Variants in PRKCQ observed in about 807,000 individuals in gnomAD.
PRKCQ encodes protein kinase C theta, also known as protein kinase C theta type.
A neutral mutation model predicts 91.2 loss-of-function variants in PRKCQ; 41 were observed. The observed-to-expected ratio is 0.45, with a 90% confidence interval of 0.35 to 0.58. The LOEUF (loss-of-function observed/expected upper bound fraction) is 0.58. Among genes scored for constraint, PRKCQ ranks in the 20% least tolerant of loss-of-function variants. PRKCQ has a pLI of 0.00. For synonymous variants in PRKCQ, 307 were observed against 316.9 expected (o/e 0.97, Z 0.33); for missense variants, 673 against 896.5 (o/e 0.75, Z 3.18).
At chr10:6,530,099 T>A (rs1839338259) in intron 1 of PRKCQ, among the ~76,000 whole-genome samples, 1 of 152,204 alleles carries the variant, frequency 6.6e-6, no homozygotes, top group Non-Finnish European at 1.5e-5. Context: ...GCACTGGATA[T>A]GCATATGGGA....
At chr10:6,401,686 C>A in the PRKCQ span, among the ~76,000 whole-genome samples, 1 of 152,184 alleles carries the variant, frequency 6.6e-6, no homozygotes, top group South Asian at 2.1e-4. Flanking sequence ...TTCCCACGGG[C>A]TTTCCTGCTG....
chr10:6,509,277 C>A lies in PRKCQ; in HGVS notation c.318+1718G>T, dbSNP rs1268692270. ...TGAAGAGATACAAATAGAACAGCAA[C>A]CTGCCTATCAGTGAAGACTACTTAA... On this transcript the variant is annotated intron_variant, in intron 3 of 17. Transcript: ENST00000263125. Among the ~76,000 whole-genome samples, 4 of 152,238 alleles carry A rather than the reference C, an allele frequency of 2.6e-5. No individual in the cohort carries two copies. The East Asian group carries it at 5.8e-4, about 22-fold the overall frequency.
chr10:6,559,181 C>G (rs1357650878), intron 1 of PRKCQ, among the ~76,000 whole-genome samples: 3 of 152,178 alleles, frequency 2.0e-5, no homozygotes, highest in African/African-American at 7.2e-5. Context: ...ATACTACGCT[C>G]ACTAGGAAGA....
At chr10:6,441,846 AGAC>A in intron 16 of PRKCQ, 44 bp downstream of exon 16, 2 of 1,527,096 alleles carry the variant, frequency 1.3e-6, no homozygotes, top group Non-Finnish European at 1.8e-6. Context: ...ACTGACCAGA[AGAC>A]CTAATGCTCG....
At position 6,484,421 on chromosome 10, in the gene PRKCQ, GA is replaced by G. The variant is rs200492706; in HGVS notation, c.1018+730del. On this transcript the variant is annotated intron_variant, in intron 10 of 17. Coordinates refer to ENST00000263125, the MANE Select transcript of PRKCQ (RefSeq NM_006257.5). ...AGAGCAAGACTCTGTCTTCAAAAAA[GA>G]AAAAAAAAAGATGCTGCCTATGTTG... 2.1e-4 allele frequency among the ~76,000 whole-genome samples: 31 copies of G among 145,564 alleles called. No homozygotes were observed. The South Asian group carries it at 3.5e-3, about 16-fold the overall frequency.
the PRKCQ span, among the ~76,000 whole-genome samples, chr10:6,421,408 C>T: frequency 1.5e-4 from 23 of 152,122 alleles, no homozygotes; most frequent in Admixed American, 2.0e-4. This position sits in a 1 kb window ranked among gnomAD's most constrained non-coding sequence, Gnocchi z 4.1. Flanking sequence ...TCACCTGAGC[C>T]CAGGACGTGG....
chr10:6,415,446 ATATATAT>A, the PRKCQ span, among the ~76,000 whole-genome samples: 25 of 90,370 alleles, frequency 2.8e-4, no homozygotes, highest in African/African-American at 1.0e-3. Context: ...ATATATATAT[ATATATAT>A]ATACACTTAC....
chr10:6,570,753 C>T (rs1801913348), intron 1 of PRKCQ, among the ~76,000 whole-genome samples: 1 of 152,034 alleles, frequency 6.6e-6, no homozygotes. Flanking sequence ...CGGGGTTTCA[C>T]CGTGTTGGCC....
chr10:6,401,450 G>A, the PRKCQ span, among the ~76,000 whole-genome samples: 1 of 151,702 alleles, frequency 6.6e-6, no homozygotes, highest in African/African-American at 2.4e-5. Flanking sequence ...TTGAACACAT[G>A]GTTAATAGTA....
intron 1 of PRKCQ, among the ~76,000 whole-genome samples, chr10:6,515,954 C>G (rs559517058): frequency 1.3e-5 from 2 of 152,316 alleles, no homozygotes; most frequent in Admixed American, 1.3e-4. Flanking sequence ...CTAGATACCT[C>G]TTCTTTTTTA....
intron 1 of PRKCQ, among the ~76,000 whole-genome samples, chr10:6,532,424 CAA>C (rs980452362): frequency 7.2e-5 from 11 of 152,200 alleles, no homozygotes; most frequent in African/African-American, 2.7e-4. Context: ...TATTTTGTGA[CAA>C]GAGACATTGC....
the PRKCQ span, among the ~76,000 whole-genome samples, chr10:6,410,135 C>T: frequency 6.6e-6 from 1 of 152,206 alleles, no homozygotes; most frequent in African/African-American, 2.4e-5. Flanking sequence ...TTACTTACCA[C>T]TGACAAGAAA....
chr10:6,505,484 TC>T (rs770992510), intron 4 of PRKCQ, among the ~76,000 whole-genome samples: 106 of 149,496 alleles, frequency 7.1e-4, no homozygotes, highest in Non-Finnish European at 1.2e-3. Flanking sequence ...CTTCCTTCCT[TC>T]CTTCCCTCCC....
chr10:6,566,653 G>A (rs796991829), intron 1 of PRKCQ, among the ~76,000 whole-genome samples: 3 of 152,154 alleles, frequency 2.0e-5, no homozygotes, highest in African/African-American at 7.2e-5. Context: ...CAACCTCATG[G>A]GTTCCTAATA....
At chr10:6,571,679 G>A (rs1280988017) in intron 1 of PRKCQ, among the ~76,000 whole-genome samples, 2 of 152,108 alleles carry the variant, frequency 1.3e-5, no homozygotes, top group East Asian at 3.9e-4. Flanking sequence ...GGTGGTGCAT[G>A]CCTGTAGTCC....
In PRKCQ at chr10:6,497,676, C is replaced by T. The variant is rs972850341; in HGVS notation, c.543-425G>A. On this transcript the variant is annotated intron_variant, in intron 5 of 17. Coordinates refer to ENST00000263125, the MANE Select transcript of PRKCQ (RefSeq NM_006257.5). This position sits in a 1 kb window ranked among gnomAD's most constrained non-coding sequence, Gnocchi z 4.5. ...AGAATATTTGCAACCAACAAAGTCT[C>T]ACATGCAGGACCGATTCCTGAGTGA... Among the ~76,000 whole-genome samples, 1 of 152,200 alleles carries T rather than the reference C, an allele frequency of 6.6e-6. No individual in the cohort carries two copies. The highest frequency in any genetic ancestry group is 2.4e-5 in the African/African-American group (1 of 41,450).
intron 12 of PRKCQ, among the ~76,000 whole-genome samples, chr10:6,467,783 A>C (rs1835767283): frequency 6.6e-6 from 1 of 152,192 alleles, no homozygotes; most frequent in Admixed American, 6.5e-5. Context: ...AAAATGAGAG[A>C]GTCACCATTA....
intron 1 of PRKCQ, among the ~76,000 whole-genome samples, chr10:6,572,348 A>G (rs952847240): frequency 1.3e-5 from 2 of 152,058 alleles, no homozygotes; most frequent in African/African-American, 4.8e-5. Context: ...TAAGCCCCAC[A>G]TGCATTAGCT....
Position 6,476,836 on chromosome 10 carries a change from G to C in PRKCQ, c.1353+2156C>G, listed in dbSNP as rs112942698. ...CAGAAAATCTAGACAACAGTACGGA[G>C]AGGGTGGCAGAGTTTGTCTCCTTGC... On this transcript the variant is annotated intron_variant, in intron 12 of 17. Transcript: ENST00000263125. 6.8e-3 allele frequency among the ~76,000 whole-genome samples: 1,037 copies of C among 152,314 alleles called. 12 individuals carry two copies. Among genetic ancestry groups the C allele is most frequent in the Non-Finnish European group, 0.01 (701 of 68,040 alleles).
Sources: allele counts gnomAD v4.1 joint callset (sites outside exome capture counted in the v4.1 genomes callset), GRCh38; gene constraint gnomAD v4.1.1; non-coding constraint Gnocchi (gnomAD v3.1); transcripts MANE v1.5; gene names NCBI Gene and HGNC (gene_info 2026-07-23, HGNC 2026-07-21).